Variants in CSMD1 observed in about 807,000 individuals in gnomAD.
CSMD1 encodes CUB and sushi domain-containing protein 1.
Under a neutral mutation model 417.5 loss-of-function variants are expected in CSMD1, and 213 were observed. The ratio of observed to expected loss-of-function variants is 0.51; its 90% confidence interval spans 0.46 to 0.57. CSMD1 has a LOEUF of 0.57. Among genes scored for constraint, CSMD1 ranks in the 20% least tolerant of loss-of-function variants. The pLI is 0.00. For synonymous variants in CSMD1, 2,862 were observed against 1,736.8 expected, an observed-to-expected ratio of 1.65 and a Z score of -16.11; for missense variants, 6,923 against 4,529.7, an observed-to-expected ratio of 1.53 and a Z score of -15.17.
At chr8:4,181,007 A>G (rs1319008829) in intron 3 of CSMD1, among the ~76,000 whole-genome samples, 3 of 152,204 alleles carry the variant, frequency 2.0e-5, no homozygotes, top group African/African-American at 7.2e-5. Context: ...ATTATGGAAT[A>G]AAAGCAAAAA....
chr8:3,541,453 G>C (rs996412983), intron 10 of CSMD1, among the ~76,000 whole-genome samples: 1 of 151,692 alleles, frequency 6.6e-6, no homozygotes, highest in African/African-American at 2.4e-5. Context: ...TGGGTTGATA[G>C]GTGTAACAAA....
At chr8:4,064,193 C>A (rs1324501982) in intron 3 of CSMD1, among the ~76,000 whole-genome samples, 2 of 152,180 alleles carry the variant, frequency 1.3e-5, no homozygotes, top group African/African-American at 4.8e-5. Context: ...ACATTAGGAG[C>A]TTTCACCATG....
chr8:4,930,111 T>G (rs1807147071), intron 1 of CSMD1, among the ~76,000 whole-genome samples: 1 of 152,218 alleles, frequency 6.6e-6, no homozygotes, highest in African/African-American at 2.4e-5. Flanking sequence ...TCACTGTTTT[T>G]GTGTGACCTT....
intron 1 of CSMD1, among the ~76,000 whole-genome samples, chr8:4,892,618 T>C (rs1258838574): frequency 6.6e-6 from 1 of 152,110 alleles, no homozygotes; most frequent in Non-Finnish European, 1.5e-5. Flanking sequence ...AAGTAGTCTT[T>C]CCTTAGACGT....
chr8:3,280,858 T>C (rs567996399), intron 26 of CSMD1, among the ~76,000 whole-genome samples: 28 of 152,316 alleles, frequency 1.8e-4, no homozygotes, highest in Non-Finnish European at 3.8e-4. Context: ...TTCTTCTTTT[T>C]TTCTACCCAA....
intron 6 of CSMD1, among the ~76,000 whole-genome samples, chr8:3,708,752 A>G (rs564228161): frequency 1.6e-3 from 242 of 152,306 alleles, no homozygotes; most frequent in African/African-American, 5.5e-3. Context: ...GACTTTACAC[A>G]TCCAATCCTA....
At chr8:3,436,652 C>T (rs2117041910) in intron 12 of CSMD1, among the ~76,000 whole-genome samples, 1 of 152,118 alleles carries the variant, frequency 6.6e-6, no homozygotes, top group Non-Finnish European at 1.5e-5. Flanking sequence ...TATTTCAAAA[C>T]AAGAAAAGTG....
chr8:4,409,184 A>C (rs1260232448), intron 3 of CSMD1, among the ~76,000 whole-genome samples: 1 of 152,208 alleles, frequency 6.6e-6, no homozygotes, highest in Non-Finnish European at 1.5e-5. Flanking sequence ...GAGATTTTTA[A>C]AAAATTATCT....
chr8:4,938,395 G>C (rs970036893), intron 1 of CSMD1, among the ~76,000 whole-genome samples: 1 of 152,118 alleles, frequency 6.6e-6, no homozygotes, highest in African/African-American at 2.4e-5. Context: ...TTACAAATAT[G>C]ACTCCATGCC....
At chr8:4,251,216 A>G (rs933841237) in intron 3 of CSMD1, among the ~76,000 whole-genome samples, 19 of 152,332 alleles carry the variant, frequency 1.2e-4, no homozygotes, top group South Asian at 4.1e-4. Context: ...AATAAAACCT[A>G]TAACAGCTAA....
chr8:3,033,640 C>G (rs1810486548), intron 50 of CSMD1, among the ~76,000 whole-genome samples: 1 of 150,290 alleles, frequency 6.7e-6, no homozygotes. Flanking sequence ...AGGACAAATA[C>G]TTAAACCACG....
intron 6 of CSMD1, among the ~76,000 whole-genome samples, chr8:3,742,894 A>T: frequency 6.6e-6 from 1 of 152,254 alleles, no homozygotes. Flanking sequence ...AATGGATAAC[A>T]GAGTATTTCC....
chr8:3,335,594 T>C (rs900892617), intron 23 of CSMD1, among the ~76,000 whole-genome samples: 2 of 152,140 alleles, frequency 1.3e-5, no homozygotes, highest in African/African-American at 4.8e-5. Context: ...GGAGAATCGC[T>C]TGAACCTGAG....
At chr8:4,117,154 G>C (rs5016252) in intron 3 of CSMD1, among the ~76,000 whole-genome samples, 150,214 of 151,848 alleles carry the variant, frequency 0.99, 74,324 homozygotes, top group East Asian at 1. Context: ...AGACAGACAC[G>C]TCCTCGAATT....
At chr8:3,698,143 C>G (rs1425523311) in intron 7 of CSMD1, among the ~76,000 whole-genome samples, 2 of 152,142 alleles carry the variant, frequency 1.3e-5, no homozygotes, top group Admixed American at 6.6e-5. Context: ...ATGCTGTTCT[C>G]AAATCTATCT....
intron 5 of CSMD1, among the ~76,000 whole-genome samples, chr8:3,961,607 G>A (rs920645584): frequency 6.6e-6 from 1 of 152,060 alleles, no homozygotes; most frequent in African/African-American, 2.4e-5. Context: ...ATTTACTCAG[G>A]CACCATTTGT....
At chr8:4,427,514 T>C (rs905691778) in intron 2 of CSMD1, among the ~76,000 whole-genome samples, 1 of 141,164 alleles carries the variant, frequency 7.1e-6, no homozygotes, top group African/African-American at 2.7e-5. Flanking sequence ...CACACACACA[T>C]GCACACTCAA....
intron 23 of CSMD1, among the ~76,000 whole-genome samples, chr8:3,336,549 T>A (rs921314181): frequency 6.6e-6 from 1 of 152,180 alleles, no homozygotes; most frequent in Non-Finnish European, 1.5e-5. Context: ...GTGGTTGGGA[T>A]TGAACAGAGT....
intron 1 of CSMD1, among the ~76,000 whole-genome samples, chr8:4,722,876 T>G (rs1196925498): frequency 6.6e-6 from 1 of 152,006 alleles, no homozygotes; most frequent in African/African-American, 2.4e-5. Context: ...AAAAAAAGAT[T>G]TCTCCTCTGT....
Sources: allele counts gnomAD v4.1 joint callset (sites outside exome capture counted in the v4.1 genomes callset), GRCh38; gene constraint gnomAD v4.1.1; transcripts MANE v1.5; gene names NCBI Gene and HGNC (gene_info 2026-07-23, HGNC 2026-07-21).